RUNX1: variants seen among roughly 807,000 people sequenced by gnomAD.
RUNX1 encodes RUNX family transcription factor 1.
A neutral mutation model predicts 42.8 loss-of-function variants in RUNX1; 19 were observed. The observed-to-expected ratio is 0.44, with a 90% CI of 0.31 to 0.65. The LOEUF (loss-of-function observed/expected upper bound fraction) is 0.65. RUNX1 is among the 30% of genes least tolerant of loss of function. The pLI is 0.07. For missense variants in RUNX1, 528 were observed against 672.0 expected (o/e 0.79, Z 2.37); for synonymous variants, 271 against 289.4 (o/e 0.94, Z 0.64).
chr21:34,894,556 G>C (rs1224771256), intron 2 of RUNX1, among the ~76,000 whole-genome samples: 1 of 152,084 alleles, frequency 6.6e-6, no homozygotes, highest in Non-Finnish European at 1.5e-5. Context: ...GGTTTGAAGT[G>C]ATTTGCCCAT....
At position 34,912,209 on chromosome 21, in the gene RUNX1, G is replaced by A. The variant is rs557799134; in HGVS notation, c.59-19246C>T. The stretch of plus-strand genomic sequence containing the variant: ...GTAGCTGCCACCTCCTCCAGCCTAC[G>A]TACCCTGAGGCATCCTAGATCTCAG... On this transcript the variant is annotated intron_variant, in intron 2 of 8. Transcript: ENST00000675419. Among the ~76,000 whole-genome samples the A allele has an allele frequency of 1.3e-4, 20 of 148,276 alleles. 1 individual carries two copies. Among genetic ancestry groups the A allele is most frequent in the African/African-American group, 3.5e-4 (14 of 39,958 alleles).
At chr21:34,966,382 A>C (rs1199488093) in intron 2 of RUNX1, among the ~76,000 whole-genome samples, 3 of 152,228 alleles carry the variant, frequency 2.0e-5, no homozygotes, top group Non-Finnish European at 4.4e-5. Flanking sequence ...CAATGCTATG[A>C]GGTGGATACT....
At chr21:34,865,660 T>C (rs568496949) in intron 5 of RUNX1, among the ~76,000 whole-genome samples, 3 of 152,330 alleles carry the variant, frequency 2.0e-5, no homozygotes, top group African/African-American at 7.2e-5. Context: ...AGTCTTGACG[T>C]TGGCGGCCCT....
At chr21:34,869,100 C>T (rs1298213144) in intron 5 of RUNX1, among the ~76,000 whole-genome samples, 1 of 152,070 alleles carries the variant, frequency 6.6e-6, no homozygotes, top group East Asian at 1.9e-4. Flanking sequence ...TCCTTGCCAT[C>T]GAGGAGTGGG....
At chr21:35,004,697 G>A (rs939421126) in intron 2 of RUNX1, among the ~76,000 whole-genome samples, 5 of 152,218 alleles carry the variant, frequency 3.3e-5, no homozygotes, top group African/African-American at 1.2e-4. Context: ...TGTACCTGAA[G>A]ATTTTATTAA....
intron 6 of RUNX1, among the ~76,000 whole-genome samples, chr21:34,855,045 A>T (rs1486866780): frequency 1.3e-5 from 2 of 152,214 alleles, no homozygotes; most frequent in Admixed American, 6.5e-5. Flanking sequence ...GGACAGACAG[A>T]AGTTATCTCA....
intron 2 of RUNX1, among the ~76,000 whole-genome samples, chr21:34,902,086 G>T (rs1051618611): frequency 3.3e-5 from 5 of 152,228 alleles, no homozygotes; most frequent in African/African-American, 4.8e-5. Context: ...GAAAGCAGGG[G>T]TCCTGTTCCT....
At chr21:34,804,413 T>C (rs1432395847) in intron 7 of RUNX1, among the ~76,000 whole-genome samples, 1 of 152,158 alleles carries the variant, frequency 6.6e-6, no homozygotes, top group African/African-American at 2.4e-5. Flanking sequence ...ACAAGGACGC[T>C]AGAGGAATTT....
chr21:34,981,905 C>A (rs2058849114), intron 2 of RUNX1, among the ~76,000 whole-genome samples: 1 of 152,204 alleles, frequency 6.6e-6, no homozygotes, highest in Non-Finnish European at 1.5e-5. Context: ...AGGAGCCCCC[C>A]TCAACAAATC....
intron 8 of RUNX1, among the ~76,000 whole-genome samples, chr21:34,793,279 T>C (rs1457847824): frequency 6.6e-6 from 1 of 152,040 alleles, no homozygotes; most frequent in Non-Finnish European, 1.5e-5. Context: ...AGTAATATAA[T>C]ACGGTAATAT....
intron 6 of RUNX1, among the ~76,000 whole-genome samples, chr21:34,841,216 C>T (rs2057229852): frequency 6.6e-6 from 1 of 152,156 alleles, no homozygotes; most frequent in South Asian, 2.1e-4. Context: ...GGCCCCTGTT[C>T]CTCTAGCTCA....
intron 4 of RUNX1, among the ~76,000 whole-genome samples, chr21:34,883,465 C>T (rs778491571): frequency 7.2e-5 from 11 of 151,928 alleles, no homozygotes; most frequent in African/African-American, 9.7e-5. Context: ...AACTAACATG[C>T]GTGCTAATTT....
intron 2 of RUNX1, among the ~76,000 whole-genome samples, chr21:34,957,598 T>C (rs1480205360): frequency 6.6e-6 from 1 of 152,198 alleles, no homozygotes; most frequent in Non-Finnish European, 1.5e-5. Context: ...TTCTCTATTA[T>C]CCGAGGATAA....
intron 2 of RUNX1, among the ~76,000 whole-genome samples, chr21:34,980,825 AC>A (rs1463009953): frequency 1.3e-5 from 2 of 152,242 alleles, no homozygotes; most frequent in Non-Finnish European, 2.9e-5. Flanking sequence ...GGAAAAATGG[AC>A]AAGAAGAAAT....
At position 34,846,194 on chromosome 21, in the gene RUNX1, CTTTTT is replaced by C. The variant is rs5843687; in HGVS notation, c.614-11598_614-11594del. The stretch of plus-strand genomic sequence containing the variant: ...GAGTACTTTGTGGGTTTAAGGATGT[CTTTTT>C]TTTTTTTTTTTTTTTTCAAATGTTG... On this transcript the variant is annotated intron_variant, in intron 6 of 8. Transcript: ENST00000675419. Among the ~76,000 whole-genome samples, 94 of 102,260 alleles carry C rather than the reference CTTTTT, an allele frequency of 9.2e-4. 1 individual carries two copies. Among genetic ancestry groups the C allele is most frequent in the African/African-American group, 3.0e-3 (84 of 28,442 alleles). The allele number at this position is 102,260 out of a possible 152,430, so 67.1% of individuals were successfully genotyped here. A position where few individuals can be genotyped will look rare whatever the true frequency, so the allele number is the denominator to read the frequency against.
intron 2 of RUNX1, among the ~76,000 whole-genome samples, chr21:34,951,373 C>T (rs1477512008): frequency 6.6e-6 from 1 of 152,142 alleles, no homozygotes; most frequent in East Asian, 1.9e-4. Context: ...TTAATTAGAT[C>T]CCATTTGTCA....
At chr21:34,821,535 C>T in intron 7 of RUNX1, 2 of 1,522,060 alleles carry the variant, frequency 1.3e-6, no homozygotes, top group Non-Finnish European at 1.8e-6. Flanking sequence ...ATTACAGACC[C>T]ACATTCTGCC....
In RUNX1 at chr21:34,808,578, C is replaced by T. The variant is rs1201216227; in HGVS notation, c.806-9116G>A. On this transcript the variant is annotated intron_variant, in intron 7 of 8. Coordinates refer to ENST00000675419, the MANE Select transcript of RUNX1 (RefSeq NM_001754.5). ...TTCTTTTCAAACCTCTGTTTCCTCA[C>T]CTCTAAAAATGGGGGTAACCAGGCT... Among the ~76,000 whole-genome samples, 37 of 152,178 alleles carry T rather than the reference C, an allele frequency of 2.4e-4. 1 individual carries two copies. Among genetic ancestry groups the T allele is most frequent in the Admixed American group, 2.4e-3 (37 of 15,288 alleles).
At chr21:35,032,979 CATCT>C (rs1052229327) in intron 2 of RUNX1, among the ~76,000 whole-genome samples, 17 of 152,268 alleles carry the variant, frequency 1.1e-4, no homozygotes, top group African/African-American at 3.8e-4. Context: ...TCTATCCATC[CATCT>C]ATCCATCCAT....
Sources: allele counts gnomAD v4.1 joint callset (sites outside exome capture counted in the v4.1 genomes callset), GRCh38; gene constraint gnomAD v4.1.1; transcripts MANE v1.5; gene names NCBI Gene and HGNC (gene_info 2026-07-23, HGNC 2026-07-21).